WDR72: variants seen among roughly 807,000 people sequenced by gnomAD.
WDR72 encodes the protein WD repeat-containing protein 72.
Under a neutral mutation model 124.2 loss-of-function variants are expected in WDR72, and 120 were observed. That is an observed-to-expected ratio of 0.97 (90% CI 0.83 to 1.12). The LOEUF (loss-of-function observed/expected upper bound fraction) is 1.12, where lower values mean the gene tolerates loss of function less well. Ranked by LOEUF, WDR72 falls within the 50% of genes most tolerant of loss-of-function variation. WDR72 has a pLI of 0.00. For missense variants in WDR72, 1,387 were observed against 1,278.8 expected (o/e 1.08, Z -1.29); for synonymous variants, 452 against 441.7 (o/e 1.02, Z -0.29).
intron 13 of WDR72, among the ~76,000 whole-genome samples, chr15:53,678,886 C>T (rs559028445): frequency 5.9e-5 from 9 of 152,170 alleles, no homozygotes; most frequent in Non-Finnish European, 1.3e-4. Context: ...TCACAAGAGC[C>T]AAAAGATGGA....
intron 14 of WDR72, among the ~76,000 whole-genome samples, chr15:53,649,966 C>T (rs2015173986): frequency 6.6e-6 from 1 of 152,102 alleles, no homozygotes; most frequent in African/African-American, 2.4e-5. Context: ...GAATTAAAAT[C>T]AGGATCCTGA....
intron 1 of WDR72, chr15:53,756,964 A>G (rs2018924999): frequency 6.6e-6 from 1 of 152,092 alleles, no homozygotes; most frequent in Non-Finnish European, 1.5e-5. Flanking sequence ...GTTCCCCTAC[A>G]GCAATGATAT....
intron 14 of WDR72, among the ~76,000 whole-genome samples, chr15:53,624,964 T>A (rs572639506): frequency 4.6e-5 from 7 of 152,328 alleles, no homozygotes; most frequent in Non-Finnish European, 1.0e-4. Context: ...TATTCAGTAA[T>A]GTTTAGCAAA....
intron 18 of WDR72, among the ~76,000 whole-genome samples, chr15:53,568,432 G>A (rs1001749695): frequency 1.3e-5 from 2 of 151,738 alleles, no homozygotes; most frequent in African/African-American, 4.8e-5. Flanking sequence ...ACAGTGACAG[G>A]GAGCTCACCA....
chr15:53,739,365 C>A (rs960487502), intron 1 of WDR72, among the ~76,000 whole-genome samples: 2 of 152,182 alleles, frequency 1.3e-5, no homozygotes, highest in African/African-American at 4.8e-5. Context: ...CTCCTGAGGG[C>A]TCCGCAGTCC....
upstream of WDR72, among the ~76,000 whole-genome samples, chr15:53,761,629 C>G (rs939224649): frequency 5.3e-5 from 8 of 152,086 alleles, no homozygotes; most frequent in African/African-American, 1.9e-4. Flanking sequence ...AGTTTGAGAC[C>G]AGCCTGGACA....
intron 4 of WDR72, 27 bp downstream of exon 4, chr15:53,716,580 T>C: frequency 6.8e-7 from 1 of 1,467,540 alleles, no homozygotes; most frequent in Non-Finnish European, 9.6e-7. Context: ...AATCTAGAAA[T>C]GCCCTGAAGG....
intron 18 of WDR72, among the ~76,000 whole-genome samples, chr15:53,590,643 G>C (rs764049217): frequency 2.0e-4 from 31 of 151,972 alleles, no homozygotes; most frequent in Non-Finnish European, 3.8e-4. Flanking sequence ...CGGTGATGAA[G>C]ATCTCAGATT....
intron 17 of WDR72, among the ~76,000 whole-genome samples, chr15:53,607,579 G>A (rs534989799): frequency 6.6e-6 from 1 of 152,158 alleles, no homozygotes; most frequent in East Asian, 1.9e-4. Flanking sequence ...AGAAAACATT[G>A]GGGGAGATCT....
At chr15:53,594,956 A>C (rs1199599172) in intron 18 of WDR72, among the ~76,000 whole-genome samples, 1 of 152,142 alleles carries the variant, frequency 6.6e-6, no homozygotes, top group Non-Finnish European at 1.5e-5. Context: ...TACTACTTGG[A>C]TAGTTCTCTC....
intron 18 of WDR72, among the ~76,000 whole-genome samples, chr15:53,550,793 C>T (rs1256217592): frequency 6.6e-6 from 1 of 152,110 alleles, no homozygotes; most frequent in Admixed American, 6.5e-5. Context: ...TGAGCACCTA[C>T]TATGTGAAAG....
intron 18 of WDR72, among the ~76,000 whole-genome samples, chr15:53,584,107 G>T (rs1247734908): frequency 6.6e-6 from 1 of 151,686 alleles, no homozygotes; most frequent in African/African-American, 2.4e-5. Context: ...AAAAGGAAAG[G>T]GAAAAATTGA....
intron 1 of WDR72, among the ~76,000 whole-genome samples, chr15:53,754,482 C>T (rs1595890948): frequency 6.6e-6 from 1 of 152,002 alleles, no homozygotes; most frequent in South Asian, 2.1e-4. Flanking sequence ...AAAAAAAAAT[C>T]CGTGGCAAAG....
chr15:53,525,447 T>C (rs1419500214), intron 18 of WDR72, among the ~76,000 whole-genome samples: 1 of 152,050 alleles, frequency 6.6e-6, no homozygotes, highest in Non-Finnish European at 1.5e-5. Flanking sequence ...TTTAAAAAAT[T>C]CCTCCATTCA....
At chr15:53,642,307 A>T (rs1347642471) in intron 14 of WDR72, among the ~76,000 whole-genome samples, 1 of 152,048 alleles carries the variant, frequency 6.6e-6, no homozygotes, top group Non-Finnish European at 1.5e-5. Flanking sequence ...CTTAGTTAAA[A>T]ATCTAACCAG....
chr15:53,577,717 G>A (rs2140313419), intron 18 of WDR72, among the ~76,000 whole-genome samples: 1 of 152,232 alleles, frequency 6.6e-6, no homozygotes, highest in South Asian at 2.1e-4. Context: ...TACATTAAGT[G>A]AGAATAAGAA....
At chr15:53,646,633 CCACAACCACA>C (rs2015052260) in intron 14 of WDR72, among the ~76,000 whole-genome samples, 1 of 152,048 alleles carries the variant, frequency 6.6e-6, no homozygotes, top group African/African-American at 2.4e-5. Context: ...ACAAAAAGAA[CCACAACCACA>C]AGTGTGTCTC....
chr15:53,714,227 A>G (rs1176821882), intron 6 of WDR72, among the ~76,000 whole-genome samples: 4 of 151,954 alleles, frequency 2.6e-5, no homozygotes, highest in African/African-American at 9.7e-5. Context: ...TTGTATATAC[A>G]TGGAGAAAAG....
intron 14 of WDR72, among the ~76,000 whole-genome samples, chr15:53,631,121 G>A (rs903155706): frequency 6.6e-6 from 1 of 152,150 alleles, no homozygotes; most frequent in Admixed American, 6.5e-5. Flanking sequence ...TGCCTGGTGA[G>A]AACTGATTGG....
Sources: gnomAD v4.1 joint callset for allele counts (sites outside exome capture counted in the v4.1 genomes callset) on GRCh38, gnomAD v4.1.1 for gene constraint, MANE v1.5 for transcripts, NCBI Gene and HGNC (gene_info 2026-07-23, HGNC 2026-07-21) for gene names.